LRRTM4: variants seen among roughly 807,000 people sequenced by gnomAD.
The protein encoded by LRRTM4 is leucine rich repeat transmembrane neuronal 4.
A neutral mutation model predicts 47.6 loss-of-function variants in LRRTM4; 25 were observed. The observed-to-expected ratio is 0.53, with a 90% CI of 0.38 to 0.73. LRRTM4 has a LOEUF of 0.73. Among genes scored for constraint, LRRTM4 ranks in the 30% least tolerant of loss-of-function variants. LRRTM4 has a pLI of 0.00. For missense variants in LRRTM4, 638 were observed against 713.4 expected (o/e 0.89, Z 1.20); for synonymous variants, 311 against 269.5 (o/e 1.15, Z -1.51).
rs1394053583 is a variant in LRRTM4, at chr2:76,748,788, G to A, written c.1680C>T (p.Ser560=). ...GGTCTCGGCCCAGCTCCAGGCCGGG[G>A]CTTTCGTCCTGCTCTGGAGACACTG... The part of the protein sequence containing the change: ...YETVSPEQDE[S]PGLELGRDHS... The change falls in exon 4 of 4, where the codon AGC becomes AGT. Residue 560 remains serine, a synonymous_variant. Transcript: ENST00000409884. 14 of 1,614,014 alleles carry A rather than the reference G, an allele frequency of 8.7e-6. No individual in the cohort carries two copies. Among genetic ancestry groups the A allele is most frequent in the African/African-American group, 1.3e-5 (1 of 75,054 alleles).
chr2:77,354,444 A>G (rs952410523), intron 3 of LRRTM4, among the ~76,000 whole-genome samples: 1 of 151,950 alleles, frequency 6.6e-6, no homozygotes, highest in Non-Finnish European at 1.5e-5. Context: ...GGGGTGGGTA[A>G]TGCTTCAGCG....
chr2:77,198,640 A>G (rs1673892242), intron 3 of LRRTM4, among the ~76,000 whole-genome samples: 1 of 152,198 alleles, frequency 6.6e-6, no homozygotes, highest in South Asian at 2.1e-4. Context: ...TTTATAAACC[A>G]GACTTGCTTT....
intron 3 of LRRTM4, among the ~76,000 whole-genome samples, chr2:77,227,559 G>T (rs1248856105): frequency 6.6e-6 from 1 of 151,982 alleles, no homozygotes; most frequent in African/African-American, 2.4e-5. Flanking sequence ...AGACAAAGAT[G>T]CCCAATGACA....
chr2:77,147,363 C>T (rs1394752623), intron 3 of LRRTM4, among the ~76,000 whole-genome samples: 1 of 152,086 alleles, frequency 6.6e-6, no homozygotes, highest in East Asian at 1.9e-4. Flanking sequence ...TCCAGGAGCA[C>T]ATTTAATTAG....
At chr2:77,461,466 C>T (rs1676786568) in intron 3 of LRRTM4, among the ~76,000 whole-genome samples, 1 of 152,050 alleles carries the variant, frequency 6.6e-6, no homozygotes, top group Admixed American at 6.6e-5. Context: ...TAAAAACTTC[C>T]AATACCATAT....
intron 3 of LRRTM4, among the ~76,000 whole-genome samples, chr2:77,110,016 G>GA (rs1671206607): frequency 6.6e-6 from 1 of 151,600 alleles, no homozygotes; most frequent in Non-Finnish European, 1.5e-5. Context: ...TACAATTCAA[G>GA]AAAAAAAGAG....
rs556791695 is a variant in LRRTM4 at position 77,250,965 on chromosome 2, T to C, written c.1551+267353A>G. 1.1e-3 allele frequency among the ~76,000 whole-genome samples: 163 copies of C among 151,950 alleles called. 1 individual carries two copies. The highest frequency in any genetic ancestry group is 3.4e-4 in the Non-Finnish European group (23 of 67,940). Reference sequence around the variant, plus strand: ...CTAAAAATGCAAAATCAGCTGGGCATGGTGGTGCATGCCTGTAATCCCAGT... The same window carrying C: ...CTAAAAATGCAAAATCAGCTGGGCACGGTGGTGCATGCCTGTAATCCCAGT... On this transcript the variant is annotated intron_variant, in intron 3 of 3. Coordinates refer to ENST00000409884, the MANE Select transcript of LRRTM4 (RefSeq NM_001134745.3).
At position 77,450,262 on chromosome 2, in the gene LRRTM4, G is replaced by GTC. The variant is rs140781680; in HGVS notation, c.1551+68054_1551+68055dup. ...TTAAAACTCTCCTCTTTCTCTCTCC[G>GTC]TCTCTCTCTCTCTCTCTGTCATGCA... On this transcript the variant is annotated intron_variant, in intron 3 of 3. Transcript: ENST00000409884. 7.9e-4 allele frequency among the ~76,000 whole-genome samples: 115 copies of GTC among 145,338 alleles called. 2 individuals are homozygous for GTC. In the South Asian group the frequency reaches 0.016, roughly 20 times the overall value.
At chr2:76,809,503 A>G (rs532357786) in intron 3 of LRRTM4, among the ~76,000 whole-genome samples, 10 of 152,230 alleles carry the variant, frequency 6.6e-5, no homozygotes, top group African/African-American at 2.2e-4. Context: ...ACTGGGGGGA[A>G]AAATTGTAAC....
At chr2:77,386,821 A>G (rs1335765164) in intron 3 of LRRTM4, among the ~76,000 whole-genome samples, 2 of 152,074 alleles carry the variant, frequency 1.3e-5, no homozygotes, top group Non-Finnish European at 2.9e-5. Flanking sequence ...GAGCATTAGG[A>G]CAAATACCTA....
intron 3 of LRRTM4, among the ~76,000 whole-genome samples, chr2:76,970,924 C>T (rs1676195438): frequency 6.6e-6 from 1 of 151,940 alleles, no homozygotes; most frequent in African/African-American, 2.4e-5. Context: ...ATGAGGCCTA[C>T]TTGAGTCATG....
chr2:77,252,035 G>T (rs1474114012), intron 3 of LRRTM4, among the ~76,000 whole-genome samples: 1 of 152,144 alleles, frequency 6.6e-6, no homozygotes, highest in African/African-American at 2.4e-5. Flanking sequence ...CAGTATGCAA[G>T]AAACTTTGAG....
At chr2:77,371,443 C>A (rs990872419) in intron 3 of LRRTM4, among the ~76,000 whole-genome samples, 10 of 151,730 alleles carry the variant, frequency 6.6e-5, no homozygotes, top group African/African-American at 2.4e-4. Context: ...CTCAAATTTT[C>A]TCTGTACCAA....
intron 3 of LRRTM4, among the ~76,000 whole-genome samples, chr2:76,955,864 T>C (rs896663031): frequency 6.6e-6 from 1 of 151,898 alleles, no homozygotes; most frequent in African/African-American, 2.4e-5. Context: ...AAATAGTTAT[T>C]AGTTAAGTCT....
chr2:76,820,246 A>G (rs569657995), intron 3 of LRRTM4, among the ~76,000 whole-genome samples: 18 of 151,844 alleles, frequency 1.2e-4, no homozygotes, highest in African/African-American at 3.9e-4. Context: ...TACTTTGTCC[A>G]TTTCGCTGCT....
chr2:77,197,315 G>A (rs1372768460), intron 3 of LRRTM4, among the ~76,000 whole-genome samples: 1 of 152,072 alleles, frequency 6.6e-6, no homozygotes, highest in Non-Finnish European at 1.5e-5. Flanking sequence ...GGTTAACATA[G>A]TAAGATATAT....
At chr2:77,008,088 C>T (rs901908108) in intron 3 of LRRTM4, among the ~76,000 whole-genome samples, 1 of 152,058 alleles carries the variant, frequency 6.6e-6, no homozygotes, top group Admixed American at 6.6e-5. Context: ...GTTGTTTAAC[C>T]AATCGCTTAT....
At chr2:77,267,660 C>T (rs1676083525) in intron 3 of LRRTM4, among the ~76,000 whole-genome samples, 1 of 151,498 alleles carries the variant, frequency 6.6e-6, no homozygotes, top group Non-Finnish European at 1.5e-5. Context: ...GCCCACTTTA[C>T]CTCCCTGGTT....
chr2:77,048,783 C>A (rs58610152), intron 3 of LRRTM4, among the ~76,000 whole-genome samples: 3 of 151,644 alleles, frequency 2.0e-5, no homozygotes, highest in African/African-American at 7.3e-5. Context: ...CATTCAAAGT[C>A]CATTCTTCTA....
Sources: allele counts gnomAD v4.1 joint callset (sites outside exome capture counted in the v4.1 genomes callset), GRCh38; gene constraint gnomAD v4.1.1; transcripts MANE v1.5; gene names NCBI Gene and HGNC (gene_info 2026-07-23, HGNC 2026-07-21).